The following KCTD8 variants were observed in gnomAD, a reference collection of about 807,000 sequenced individuals.
KCTD8 encodes the protein BTB/POZ domain-containing protein KCTD8.
KCTD8 carries 27 observed loss-of-function variants against 31.5 expected under a neutral mutation model. The observed-to-expected ratio is 0.86, with a 90% CI of 0.63 to 1.18. The LOEUF (loss-of-function observed/expected upper bound fraction) is 1.18. Ranked by LOEUF, KCTD8 falls within the 50% of genes most tolerant of loss-of-function variation. KCTD8 has a pLI of 0.00. For missense variants in KCTD8, 658 were observed against 647.7 expected (o/e 1.02, Z -0.17); for synonymous variants, 290 against 280.0 (o/e 1.04, Z -0.36).
intron 1 of KCTD8, among the ~76,000 whole-genome samples, chr4:44,340,345 C>A (rs1053183614): frequency 6.6e-6 from 1 of 151,266 alleles, no homozygotes; most frequent in Non-Finnish European, 1.5e-5. Flanking sequence ...GTTGCCCAGG[C>A]TGGAATGCAG....
intron 1 of KCTD8, among the ~76,000 whole-genome samples, chr4:44,282,064 C>T (rs73245598): frequency 0.23 from 35,667 of 151,830 alleles, 4,944 homozygotes; most frequent in Non-Finnish European, 0.32. Context: ...AGTAACAGCT[C>T]GATGCATTCA....
intron 1 of KCTD8, among the ~76,000 whole-genome samples, chr4:44,413,895 G>T (rs1721014955): frequency 6.6e-6 from 1 of 152,104 alleles, no homozygotes; most frequent in African/African-American, 2.4e-5. Context: ...ATCAGACACA[G>T]AAAGAAAGAG....
intron 1 of KCTD8, among the ~76,000 whole-genome samples, chr4:44,206,151 A>G (rs1160894393): frequency 2.6e-5 from 4 of 151,984 alleles, no homozygotes; most frequent in Non-Finnish European, 5.9e-5. Flanking sequence ...TTAGGTGGAG[A>G]GACATAACAA....
chr4:44,311,652 T>C (rs1717954560), intron 1 of KCTD8, among the ~76,000 whole-genome samples: 2 of 151,944 alleles, frequency 1.3e-5, no homozygotes, highest in African/African-American at 4.8e-5. Flanking sequence ...GATGGTGAAA[T>C]TATAAAACAA....
At chr4:44,414,951 A>G (rs1405843366) in intron 1 of KCTD8, among the ~76,000 whole-genome samples, 1 of 152,172 alleles carries the variant, frequency 6.6e-6, no homozygotes, top group African/African-American at 2.4e-5. Flanking sequence ...GCTCAGAAGG[A>G]GACAGGAAGC....
chr4:44,177,409 C>T (rs1713250284), intron 1 of KCTD8, among the ~76,000 whole-genome samples: 1 of 152,088 alleles, frequency 6.6e-6, no homozygotes, highest in Non-Finnish European at 1.5e-5. Context: ...CCTCTTGAGG[C>T]TCATAGTTTT....
intron 1 of KCTD8, among the ~76,000 whole-genome samples, chr4:44,390,375 C>T (rs2109449742): frequency 6.6e-6 from 1 of 152,058 alleles, no homozygotes; most frequent in Non-Finnish European, 1.5e-5. Context: ...TATCCCAGCA[C>T]CATTTGTTAA....
At chr4:44,373,323 T>C (rs1347830639) in intron 1 of KCTD8, among the ~76,000 whole-genome samples, 2 of 151,482 alleles carry the variant, frequency 1.3e-5, no homozygotes, top group African/African-American at 4.9e-5. Flanking sequence ...GTCACACCAC[T>C]GCACTCCAAC....
In KCTD8 at chr4:44,447,863, G is replaced by C. The variant is rs1188294515; in HGVS notation, c.661C>G (p.Arg221Gly). Residue 221 changes from arginine to glycine, a missense_variant, in exon 1 of 2, where the codon CGC (arginine) becomes GGC (glycine). By Grantham distance (125) the Arg-to-Gly change is moderately radical. Transcript: ENST00000360029. ...AATTTGGCGTCGGCCTGGTTGTCGC[G>C]CACGGTGGTGTAGGAGCCCCGGTAG... is the stretch of plus-strand genomic sequence containing the variant. Reference protein sequence around the residue: ...LGYRGSYTTVRDNQADAKFRR... With the variant: ...LGYRGSYTTVGDNQADAKFRR... 1 of 1,571,468 alleles carries C rather than the reference G, an allele frequency of 6.4e-7. No individual in the cohort carries two copies. The highest frequency in any genetic ancestry group is 8.6e-7 in the Non-Finnish European group (1 of 1,156,816).
intron 1 of KCTD8, among the ~76,000 whole-genome samples, chr4:44,251,557 C>A (rs964640688): frequency 1.3e-5 from 2 of 151,052 alleles, no homozygotes. Context: ...TTCACAGGTA[C>A]CTTCTTTTTT....
At chr4:44,368,391 AAAAATAAAAT>A (rs80190606) in intron 1 of KCTD8, among the ~76,000 whole-genome samples, 11,809 of 151,466 alleles carry the variant, frequency 0.078, 487 homozygotes, top group South Asian at 0.11. Context: ...TCTCAAAGAA[AAAAATAAAAT>A]AAAATAAAAT....
At chr4:44,335,200 A>G (rs1312266009) in intron 1 of KCTD8, among the ~76,000 whole-genome samples, 2 of 152,206 alleles carry the variant, frequency 1.3e-5, no homozygotes, top group African/African-American at 4.8e-5. Context: ...ATCTCAATGT[A>G]ATGGAAAATA....
At position 44,237,596 on chromosome 4, in the gene KCTD8, C is replaced by G. The variant is rs370539699; in HGVS notation, c.962-62346G>C. ...TTTTGATCTCCATCTGTTTAACTCACATATCATTTCAACTGGTTTGCAACT... is the reference window on the plus strand; with the variant it reads ...TTTTGATCTCCATCTGTTTAACTCAGATATCATTTCAACTGGTTTGCAACT... On this transcript the variant is annotated intron_variant, in intron 1 of 1. Transcript: ENST00000360029. 1.5e-3 allele frequency among the ~76,000 whole-genome samples: 222 copies of G among 152,326 alleles called. 5 individuals carry two copies. The South Asian group carries it at 0.044, about 30-fold the overall frequency.
At chr4:44,283,135 C>T (rs968895412) in intron 1 of KCTD8, among the ~76,000 whole-genome samples, 14 of 151,418 alleles carry the variant, frequency 9.2e-5, no homozygotes, top group Admixed American at 2.6e-4. Flanking sequence ...CTGCAACCTC[C>T]GCCTCCCAGG....
chr4:44,175,487 T>C (rs1487300192), intron 1 of KCTD8, among the ~76,000 whole-genome samples: 2 of 152,184 alleles, frequency 1.3e-5, no homozygotes, highest in East Asian at 1.9e-4. Flanking sequence ...TTTGAGAAAT[T>C]TGTTTAATGA....
intron 1 of KCTD8, among the ~76,000 whole-genome samples, chr4:44,426,919 T>C (rs182509916): frequency 6.6e-6 from 1 of 151,710 alleles, no homozygotes; most frequent in Non-Finnish European, 1.5e-5. Context: ...AATTCCAAAA[T>C]GAGATATTAG....
intron 1 of KCTD8, among the ~76,000 whole-genome samples, chr4:44,263,390 G>C (rs534813016): frequency 6.6e-6 from 1 of 152,106 alleles, no homozygotes; most frequent in Non-Finnish European, 1.5e-5. Context: ...ACTTAATGAG[G>C]TTGCCTCTGG....
chr4:44,332,012 T>C (rs1560428247), intron 1 of KCTD8, among the ~76,000 whole-genome samples: 2 of 151,926 alleles, frequency 1.3e-5, no homozygotes, highest in East Asian at 1.9e-4. Context: ...ACAGTCACAC[T>C]ACAGAAACTA....
At chr4:44,382,705 G>T (rs186602182) in intron 1 of KCTD8, among the ~76,000 whole-genome samples, 1 of 150,660 alleles carries the variant, frequency 6.6e-6, no homozygotes, top group Non-Finnish European at 1.5e-5. Context: ...ATACCAGCCT[G>T]GGCAACAGGA....
Sources: allele counts gnomAD v4.1 joint callset (sites outside exome capture counted in the v4.1 genomes callset), GRCh38; gene constraint gnomAD v4.1.1; transcripts MANE v1.5; gene names NCBI Gene and HGNC (gene_info 2026-07-23, HGNC 2026-07-21).